Variants in USH2A observed in about 807,000 individuals in gnomAD.
USH2A encodes the protein usherin.
A neutral mutation model predicts 538.9 loss-of-function variants in USH2A; 443 were observed. That is an observed-to-expected ratio of 0.82 (90% CI 0.76 to 0.89). USH2A has a LOEUF of 0.89. USH2A is among the 40% of genes least tolerant of loss of function. The probability of loss-of-function intolerance (pLI) is 0.00; values close to 1 mark genes in which losing one functional copy is unlikely to be tolerated. For synonymous variants in USH2A, 2,413 were observed against 2,273.5 expected (o/e 1.06, Z -1.75); for missense variants, 6,633 against 6,324.8 (o/e 1.05, Z -1.65).
At chr1:216,004,977 A>G (rs1323125063) in intron 32 of USH2A, among the ~76,000 whole-genome samples, 2 of 152,158 alleles carry the variant, frequency 1.3e-5, no homozygotes, top group Non-Finnish European at 2.9e-5. Flanking sequence ...TTTCCCAATG[A>G]AGAAAACAAG....
intron 15 of USH2A, 46 bp from the exon 16 acceptor site, chr1:216,207,477 A>G (rs1558317633): frequency 6.2e-7 from 1 of 1,611,980 alleles, no homozygotes; most frequent in Non-Finnish European, 8.5e-7. Context: ...CAATCAATAA[A>G]CAGAAAAGCA....
At chr1:216,320,101 T>C (rs1461908808) in intron 9 of USH2A, among the ~76,000 whole-genome samples, 1 of 152,096 alleles carries the variant, frequency 6.6e-6, no homozygotes, top group East Asian at 1.9e-4. Context: ...CCTCCAAATC[T>C]CATGTTGAAA....
chr1:215,794,155 C>T (rs555194118), intron 50 of USH2A, among the ~76,000 whole-genome samples: 1 of 152,272 alleles, frequency 6.6e-6, no homozygotes, highest in African/African-American at 2.4e-5. Flanking sequence ...AAAACATAAA[C>T]GCCACCCCAG....
intron 16 of USH2A, among the ~76,000 whole-genome samples, chr1:216,203,735 G>A (rs182307559): frequency 2.0e-5 from 3 of 152,168 alleles, no homozygotes; most frequent in South Asian, 2.1e-4. Context: ...AATGAATAAG[G>A]GTAGAAATGA....
intron 50 of USH2A, 116 bp from the exon 51 acceptor site, chr1:215,790,398 T>A: frequency 9.3e-7 from 1 of 1,074,090 alleles, no homozygotes; most frequent in Non-Finnish European, 1.4e-6. Flanking sequence ...AATGGTGCAA[T>A]ACCTAAGGTA....
Position 215,888,512 on chromosome 1 carries a change from C to A in USH2A, c.8137G>T (p.Ala2713Ser), listed in dbSNP as rs199934541. ...STLHGGTNSS[A>S]WVEVTTRPSR... is the part of the protein sequence containing the mutation. ...GGTCTTGTGGTAACTTCTACCCAAG[C>A]ACTGCTGTTTGTGCCTCCATGAAGA... The change falls in exon 41 of 72, where the codon GCT becomes TCT. Residue 2713 changes from alanine (A) to serine (S), a missense_variant. Transcript: ENST00000307340. 264 of 1,614,172 alleles carry A rather than the reference C, an allele frequency of 1.6e-4. No homozygotes were observed. The highest frequency in any genetic ancestry group is 2.1e-4 in the Non-Finnish European group (246 of 1,180,024).
chr1:216,076,589 T>TCTAACCTCAGAAAC (rs1220026055), intron 27 of USH2A, among the ~76,000 whole-genome samples: 2 of 152,132 alleles, frequency 1.3e-5, no homozygotes, highest in Non-Finnish European at 2.9e-5. Flanking sequence ...TCAAGTTCTT[T>TCTAACCTCAGAAAC]CTAACCTCAG....
chr1:215,687,551 T>G (rs954066098), intron 61 of USH2A, among the ~76,000 whole-genome samples: 1 of 151,942 alleles, frequency 6.6e-6, no homozygotes, highest in Non-Finnish European at 1.5e-5. Flanking sequence ...CATAAAAACA[T>G]TGGGGGAAAA....
chr1:216,377,877 AAG>A (rs1431287006), intron 3 of USH2A, among the ~76,000 whole-genome samples: 1 of 150,078 alleles, frequency 6.7e-6, no homozygotes, highest in African/African-American at 2.5e-5. Context: ...GAAGGAAAGA[AAG>A]AAAGGAAGGA....
At position 216,423,390 on chromosome 1, in the gene USH2A, G is replaced by C. The variant is rs1021863384; in HGVS notation, c.-381C>G. 2 of 152,148 alleles carry C rather than the reference G, an allele frequency of 1.3e-5. No homozygotes were observed. Among genetic ancestry groups the C allele is most frequent in the African/African-American group, 4.8e-5 (2 of 41,448 alleles). The allele number at this position is 152,148 out of a possible 1,614,324, so 9.4% of individuals were successfully genotyped here. A position where few individuals can be genotyped will look rare whatever the true frequency, so the allele number is the denominator to read the frequency against. ...GTGCCCAGGTAAAGTATTCTGCAGA[G>C]CAAACACTTGGTTACCTGAAGCTCA... is the stretch of plus-strand genomic sequence containing the variant. On this transcript the variant is annotated 5_prime_UTR_variant, in exon 1 of 72. Coordinates refer to ENST00000307340, the MANE Select transcript of USH2A (RefSeq NM_206933.4).
At chr1:216,185,556 TGA>T (rs1188690798) in intron 20 of USH2A, among the ~76,000 whole-genome samples, 1 of 151,938 alleles carries the variant, frequency 6.6e-6, no homozygotes, top group Non-Finnish European at 1.5e-5. Context: ...TGTCTGATAA[TGA>T]GCTCATATGA....
chr1:216,355,118 G>A (rs561258166), intron 4 of USH2A, among the ~76,000 whole-genome samples: 213 of 151,792 alleles, frequency 1.4e-3, no homozygotes, highest in Non-Finnish European at 1.3e-3. Flanking sequence ...GACCAGCCTG[G>A]CCAACATGGT....
At chr1:215,869,100 C>T (rs1664558463) in intron 43 of USH2A, among the ~76,000 whole-genome samples, 2 of 152,170 alleles carry the variant, frequency 1.3e-5, no homozygotes, top group South Asian at 4.1e-4. Context: ...GCATTTTCTA[C>T]AGATGTTAAC....
At chr1:215,881,706 T>C (rs1276441665) in intron 41 of USH2A, among the ~76,000 whole-genome samples, 2 of 152,232 alleles carry the variant, frequency 1.3e-5, no homozygotes, top group Non-Finnish European at 2.9e-5. Context: ...AATATTACAT[T>C]AAAACTTTTA....
intron 21 of USH2A, among the ~76,000 whole-genome samples, chr1:216,126,201 GT>G (rs200119489): frequency 0.026 from 3,810 of 147,578 alleles, 82 homozygotes; most frequent in Middle Eastern, 0.083. Flanking sequence ...ATTAACAGCC[GT>G]TGCTTTTTTT....
intron 18 of USH2A, among the ~76,000 whole-genome samples, chr1:216,197,774 G>C (rs1157069832): frequency 6.6e-6 from 1 of 152,092 alleles, no homozygotes; most frequent in Non-Finnish European, 1.5e-5. Context: ...AGAAAATTTA[G>C]ATATGTTGTC....
At chr1:216,166,174 A>G (rs1311011097) in intron 21 of USH2A, among the ~76,000 whole-genome samples, 1 of 152,064 alleles carries the variant, frequency 6.6e-6, no homozygotes, top group Non-Finnish European at 1.5e-5. Flanking sequence ...TATTTAGGGG[A>G]ACAGCTAAGC....
At chr1:215,848,549 C>T (rs961050875) in intron 44 of USH2A, among the ~76,000 whole-genome samples, 4 of 152,100 alleles carry the variant, frequency 2.6e-5, no homozygotes, top group Non-Finnish European at 4.4e-5. Flanking sequence ...AGCCATGCAC[C>T]GTATGCCAGT....
intron 60 of USH2A, among the ~76,000 whole-genome samples, chr1:215,733,813 T>C (rs1660074689): frequency 6.6e-6 from 1 of 152,214 alleles, no homozygotes; most frequent in African/African-American, 2.4e-5. Context: ...AAGCACTGAC[T>C]CCTAAGGCTT....
Sources: allele counts gnomAD v4.1 joint callset (sites outside exome capture counted in the v4.1 genomes callset), GRCh38; gene constraint gnomAD v4.1.1; transcripts MANE v1.5; gene names NCBI Gene and HGNC (gene_info 2026-07-23, HGNC 2026-07-21).